INPP5K: variants seen among roughly 807,000 people sequenced by gnomAD.
INPP5K encodes the protein inositol polyphosphate-5-phosphatase K.
A neutral mutation model predicts 53.5 loss-of-function variants in INPP5K; 35 were observed. The ratio of observed to expected loss-of-function variants is 0.65; its 90% CI spans 0.50 to 0.87. The LOEUF (loss-of-function observed/expected upper bound fraction) is 0.87, where lower values mean the gene tolerates loss of function less well. Among genes scored for constraint, INPP5K ranks in the 40% least tolerant of loss-of-function variants. The pLI, the probability that INPP5K is intolerant of heterozygous loss-of-function variation, is 0.00. For missense variants in INPP5K, 550 were observed against 586.2 expected, an observed-to-expected ratio of 0.94 and a Z score of 0.64; for synonymous variants, 253 against 232.8, an observed-to-expected ratio of 1.09 and a Z score of -0.79.
At chr17:1,507,239 C>T (rs2075180703) in intron 6 of INPP5K, 150 bp from the exon 7 acceptor site, 1 of 602,772 alleles carries the variant, frequency 1.7e-6, no homozygotes, top group African/African-American at 1.9e-5. Flanking sequence ...AGTGACTACT[C>T]AGCAGCCCAC....
chr17:1,498,328 A>T (rs929235158), intron 7 of INPP5K: 1 of 455,258 alleles, frequency 2.2e-6, no homozygotes, highest in Non-Finnish European at 3.9e-6. Flanking sequence ...CACTTGTCAG[A>T]CTTAGCCAGG....
chr17:1,495,141 C>G lies in INPP5K; in HGVS notation c.*682G>C, dbSNP rs1446997969. 1 of 152,242 alleles carries G rather than the reference C, an allele frequency of 6.6e-6. No individual in the cohort carries two copies. Among genetic ancestry groups the G allele is most frequent in the Non-Finnish European group, 1.5e-5 (1 of 68,060 alleles). The allele number at this position is 152,242 out of a possible 1,614,324, so 9.4% of individuals were successfully genotyped here. A position where few individuals can be genotyped will look rare whatever the true frequency, so the allele number is the denominator to read the frequency against. On this transcript the variant is annotated 3_prime_UTR_variant, in exon 12 of 12. Coordinates refer to ENST00000421807, the MANE Select transcript of INPP5K (RefSeq NM_016532.4). ...GCGAACCTGGATCCTTCCCAGTTCT[C>G]TCTGTCAGGATCTGGAACTTCCATG...
chr17:1,515,657 A>G, intron 1 of INPP5K: 2 of 941,424 alleles, frequency 2.1e-6, no homozygotes. Flanking sequence ...CCTCCAACAG[A>G]CCCCGTCCTT....
At chr17:1,504,588 T>G (rs553030136) in intron 7 of INPP5K, among the ~76,000 whole-genome samples, 81 of 152,354 alleles carry the variant, frequency 5.3e-4, no homozygotes, top group African/African-American at 1.9e-3. Flanking sequence ...GACACAGATA[T>G]GAGTTCCAAT....
chr17:1,505,641 T>C (rs1394558401), intron 7 of INPP5K, among the ~76,000 whole-genome samples: 1 of 152,188 alleles, frequency 6.6e-6, no homozygotes, highest in Non-Finnish European at 1.5e-5. Context: ...CTTTCCCCCT[T>C]TCCTTGACAA....
rs901719818 is a variant in INPP5K, at chr17:1,516,132, G to A, written c.44+324C>T. On this transcript the variant is annotated intron_variant, in intron 1 of 11. Coordinates refer to ENST00000421807, the MANE Select transcript of INPP5K (RefSeq NM_016532.4). ...CTGATGTATGTGCTGATGAAAAGTAGGAAAAAGATTTCTAACCGAGAGCCG... is the reference window on the plus strand; with the variant it reads ...CTGATGTATGTGCTGATGAAAAGTAAGAAAAAGATTTCTAACCGAGAGCCG... 11 of 1,272,608 alleles carry A rather than the reference G, an allele frequency of 8.6e-6. No individual in the cohort carries two copies. The African/African-American group carries it at 1.3e-4, about 15-fold the overall frequency. 78.8% of individuals were successfully genotyped at this position (1,272,608 alleles called of 1,614,324 possible).
chr17:1,516,419 C>A lies in INPP5K; in HGVS notation c.44+37G>T, dbSNP rs182853610. ...CGCAGCCCAAGGGGCGCCGATCCCC[C>A]CGAGCAGGCCTGCCTCTGCCGCCAG... On this transcript the variant is annotated intron_variant, in intron 1 of 11. Transcript: ENST00000421807. 12 of 1,576,748 alleles carry A rather than the reference C, an allele frequency of 7.6e-6. No individual in the cohort carries two copies. In the Admixed American group the frequency reaches 1.7e-4, roughly 23 times the overall value.
chr17:1,510,738 C>T (rs1186919169), intron 3 of INPP5K, among the ~76,000 whole-genome samples: 1 of 152,178 alleles, frequency 6.6e-6, no homozygotes, highest in Non-Finnish European at 1.5e-5. Flanking sequence ...GCAATCCTCC[C>T]ACCTCAGCCT....
chr17:1,515,560 G>A, intron 1 of INPP5K: 3 of 985,810 alleles, frequency 3.0e-6, no homozygotes, highest in Non-Finnish European at 3.6e-6. Context: ...GGCACACGAT[G>A]AGGAGTACCT....
In INPP5K at chr17:1,495,864, A is replaced by G. The variant is rs1257123296; in HGVS notation, c.1306T>C (p.Leu436=). Residue 436 remains leucine, a synonymous_variant, in exon 12 of 12, where the codon TTG becomes CTG. Coordinates refer to ENST00000421807, the MANE Select transcript of INPP5K (RefSeq NM_016532.4). ...GCTTCACCCAGTGGGTCCTCCCTCA[A>G]GGAGCCAGGCGGGATCTGCAGGGAT... The part of the protein sequence containing the change: ...SRPFQIPPGS[L]REDPLGEAQP... 1 of 1,613,300 alleles carries G rather than the reference A, an allele frequency of 6.2e-7. No homozygotes were observed. Among genetic ancestry groups the G allele is most frequent in the Non-Finnish European group, 8.5e-7 (1 of 1,179,376 alleles).
intron 1 of INPP5K, chr17:1,516,211 C>CT (rs2075431897): frequency 1.0e-6 from 1 of 972,544 alleles, no homozygotes; most frequent in African/African-American, 1.7e-5. Flanking sequence ...CACGGCTGTC[C>CT]TCTCCAGAAA....
rs1045604852 is a variant in INPP5K at position 1,495,574 on chromosome 17, C to T, written c.*249G>A. On this transcript the variant is annotated 3_prime_UTR_variant, in exon 12 of 12. Transcript: ENST00000421807. ...AGACGCAGAACTGTCCCCAGGTCTT[C>T]ACTGTTGACACACTAGCTGGTTTCA... 1 of 510,224 alleles carries T rather than the reference C, an allele frequency of 2.0e-6. No homozygotes were observed. Among genetic ancestry groups the T allele is most frequent in the African/African-American group, 2.0e-5 (1 of 51,114 alleles). The allele number at this position is 510,224 out of a possible 1,614,324, so 31.6% of individuals were successfully genotyped here. A position where few individuals can be genotyped will look rare whatever the true frequency, so the allele number is the denominator to read the frequency against.
intron 7 of INPP5K, among the ~76,000 whole-genome samples, chr17:1,503,848 C>T (rs1024393774): frequency 8.5e-5 from 13 of 152,298 alleles, no homozygotes; most frequent in Admixed American, 3.9e-4. Context: ...GAGCTGGCCT[C>T]GTTTCTCATT....
chr17:1,502,664 T>C (rs2075055709), intron 7 of INPP5K, among the ~76,000 whole-genome samples: 1 of 152,162 alleles, frequency 6.6e-6, no homozygotes, highest in Admixed American at 6.5e-5. Context: ...TTGAGGAGCC[T>C]GTTTAGCAAA....
At position 1,496,758 on chromosome 17, in the gene INPP5K, C is replaced by G; in HGVS notation, c.1009G>C (p.Asp337His). The G allele has an allele frequency of 6.2e-7, 1 of 1,614,190 alleles. No homozygotes were observed. Among genetic ancestry groups the G allele is most frequent in the Non-Finnish European group, 8.5e-7 (1 of 1,180,024 alleles). The change falls in exon 9 of 12, where the codon GAC (aspartate) becomes CAC (histidine). Residue 337 changes from aspartate to histidine, a missense_variant. Coordinates refer to ENST00000421807, the MANE Select transcript of INPP5K (RefSeq NM_016532.4). ...ATGTCATTTTCCACGGTCCACAGGT[C>G]CTCGGGCATCAGGACGATCAGCGGA... Reference protein sequence around the residue: ...SAPLIVLMPEDLWTVENDMMV... With the variant: ...SAPLIVLMPEHLWTVENDMMV...
chr17:1,508,203 ATGTC>A lies in INPP5K; in HGVS notation c.574_577del (p.Asp192Ter). 6.2e-7 allele frequency: 1 copy of A among 1,613,916 alleles called. No individual in the cohort carries two copies. The highest frequency in any genetic ancestry group is 8.5e-7 in the Non-Finnish European group (1 of 1,179,830). ...CCCAAAGTCCTCGATCCGAAAGTTCATGTCTCCAAACCAGATAATGAGGCTTCAG... is the reference window on the plus strand; with the variant it reads ...CCCAAAGTCCTCGATCCGAAAGTTCATCCAAACCAGATAATGAGGCTTCAG... On this transcript the variant is annotated frameshift_variant, in exon 6 of 12. Transcript: ENST00000421807. LOFTEE classifies it high-confidence loss of function.
At chr17:1,510,393 G>A (rs1332302902) in intron 3 of INPP5K, 1 of 152,336 alleles carries the variant, frequency 6.6e-6, no homozygotes, top group African/African-American at 2.4e-5. Flanking sequence ...TTTTAGTAGA[G>A]ATGGGGTTTC....
intron 3 of INPP5K, among the ~76,000 whole-genome samples, chr17:1,511,032 G>GA (rs368809942): frequency 2.7e-5 from 4 of 150,528 alleles, no homozygotes; most frequent in East Asian, 1.9e-4. Context: ...ATAGCTCAGT[G>GA]AAAAAAAAAT....
Position 1,495,472 on chromosome 17 carries a change from G to A in INPP5K, c.*351C>T, listed in dbSNP as rs2074804745. On this transcript the variant is annotated 3_prime_UTR_variant, in exon 12 of 12. Coordinates refer to ENST00000421807, the MANE Select transcript of INPP5K (RefSeq NM_016532.4). ...CCCAGGACGGCACGACAAGAATGCA[G>A]GCCTGTGCCAAATGGGGCATGTGCC... 3 of 283,460 alleles carry A rather than the reference G, an allele frequency of 1.1e-5. No homozygotes were observed. The Admixed American group carries it at 1.5e-4, about 14-fold the overall frequency. The allele number at this position is 283,460 out of a possible 1,614,324, so 17.6% of individuals were successfully genotyped here. A position where few individuals can be genotyped will look rare whatever the true frequency, so the allele number is the denominator to read the frequency against.
Sources: gnomAD v4.1 joint callset for allele counts (sites outside exome capture counted in the v4.1 genomes callset) on GRCh38, gnomAD v4.1.1 for gene constraint, MANE v1.5 for transcripts, NCBI Gene and HGNC (gene_info 2026-07-23, HGNC 2026-07-21) for gene names.